Variants in MYBPC2 observed in about 807,000 individuals in gnomAD.
The protein encoded by MYBPC2 is myosin-binding protein C, fast-type.
MYBPC2 carries 122 observed loss-of-function variants against 137.0 expected under a neutral mutation model. The ratio of observed to expected loss-of-function variants is 0.89; its 90% confidence interval spans 0.77 to 1.03. The LOEUF (loss-of-function observed/expected upper bound fraction) is 1.03. Among genes scored for constraint, MYBPC2 ranks in the 50% least tolerant of loss-of-function variants. The pLI, the probability that MYBPC2 is intolerant of heterozygous loss-of-function variation, is 0.00. For missense variants in MYBPC2, 1,500 were observed against 1,534.4 expected, an observed-to-expected ratio of 0.98 and a Z score of 0.37; for synonymous variants, 626 against 612.3, an observed-to-expected ratio of 1.02 and a Z score of -0.33.
Position 50,459,128 on chromosome 19 carries a change from G to T in MYBPC2, c.2613G>T (p.Gln871His), listed in dbSNP as rs1188710241. ...CCCCGCAGGGAAAGCCCCGGCCCCA[G>T]GTGGTGTGGACCAAGGGCGGGGCCC... The part of the protein sequence containing the change: ...VVPFQGKPRP[Q>H]VVWTKGGAPL... The change falls in exon 23 of 28, where the codon CAG becomes CAT. Residue 871 changes from glutamine to histidine, a missense_variant. Gln to His is a conservative substitution (Grantham distance 24). Coordinates refer to ENST00000357701, the MANE Select transcript of MYBPC2 (RefSeq NM_004533.4). 2 of 1,546,338 alleles carry T rather than the reference G, an allele frequency of 1.3e-6. No homozygotes were observed. Among genetic ancestry groups the T allele is most frequent in the Middle Eastern group, 1.7e-4 (1 of 5,842 alleles).
chr19:50,446,986 TAA>T (rs529228553), intron 12 of MYBPC2, among the ~76,000 whole-genome samples: 30 of 129,968 alleles, frequency 2.3e-4, no homozygotes, highest in Non-Finnish European at 2.3e-4. Flanking sequence ...GACTCCGTCT[TAA>T]AAAAAAAAAA....
At chr19:50,448,883 C>A (rs112476711) in intron 13 of MYBPC2, among the ~76,000 whole-genome samples, 3 of 151,700 alleles carry the variant, frequency 2.0e-5, no homozygotes, top group East Asian at 1.9e-4. Flanking sequence ...TACAGGCATG[C>A]GCCACCATGC....
In MYBPC2 at chr19:50,445,937, C is replaced by T. The variant is rs1343630303; in HGVS notation, c.1191C>T (p.Phe397=). Reference sequence around the variant, plus strand: ...ATTCCTTCAAGGCCCGGTACCGCTTCAAGAAGGACGGGAAGCGCCACATCC... The same window carrying T: ...ATTCCTTCAAGGCCCGGTACCGCTTTAAGAAGGACGGGAAGCGCCACATCC... ...REDSFKARYR[F]KKDGKRHILI... The change falls in exon 12 of 28, where the codon TTC becomes TTT. Residue 397 remains phenylalanine, a synonymous_variant. Coordinates refer to ENST00000357701, the MANE Select transcript of MYBPC2 (RefSeq NM_004533.4). 1 of 1,611,680 alleles carries T rather than the reference C, an allele frequency of 6.2e-7. No homozygotes were observed. The highest frequency in any genetic ancestry group is 1.1e-5 in the South Asian group (1 of 90,412).
In MYBPC2 at chr19:50,455,525, C is replaced by A. The variant is rs2039901387; in HGVS notation, c.2219C>A (p.Pro740His). Reference protein sequence around the residue: ...PFMPIAPTSEPLHLIVEDVTD... With the variant: ...PFMPIAPTSEHLHLIVEDVTD... Reference sequence around the variant, plus strand: ...ATGCTTGCAGCACCCACGAGTGAACCCCTGCACCTGATAGTGGAGGATGTG... The same window carrying A: ...ATGCTTGCAGCACCCACGAGTGAACACCTGCACCTGATAGTGGAGGATGTG... Residue 740 changes from proline (P) to histidine (H), a missense_variant, in exon 20 of 28, where the codon CCC becomes CAC. Physicochemically the swap from Pro to His is moderately conservative, Grantham distance 77. Transcript: ENST00000357701. 4 of 1,613,746 alleles carry A rather than the reference C, an allele frequency of 2.5e-6. No homozygotes were observed. The highest frequency in any genetic ancestry group is 3.3e-5 in the Admixed American group (2 of 59,986).
intron 9 of MYBPC2, 39 bp from the exon 10 acceptor site, chr19:50,443,455 T>A: frequency 6.2e-7 from 1 of 1,602,780 alleles, no homozygotes; most frequent in Non-Finnish European, 8.5e-7. Flanking sequence ...GATAGGTGGA[T>A]GCTCCACGCC....
At position 50,443,577 on chromosome 19, in the gene MYBPC2, C is replaced by G. The variant is rs1380737700; in HGVS notation, c.986C>G (p.Ala329Gly). 1.9e-6 allele frequency: 3 copies of G among 1,613,132 alleles called. No homozygotes were observed. Among genetic ancestry groups the G allele is most frequent in the East Asian group, 2.2e-5 (1 of 44,876 alleles). The part of the protein sequence containing the change: ...TLADDAAYEV[A>G]VKDEKCFTEL... ...GCGGATGACGCTGCCTATGAAGTAG[C>G]TGTCAAGGATGAGAAGTGTTTCACC... Residue 329 changes from alanine to glycine, a missense_variant, in exon 10 of 28, where the codon GCT (alanine) becomes GGT (glycine). Transcript: ENST00000357701.
At position 50,436,092 on chromosome 19, in the gene MYBPC2, T is replaced by A; in HGVS notation, c.277T>A (p.Trp93Arg). The change falls in exon 4 of 28, where the codon TGG becomes AGG. Residue 93 changes from tryptophan to arginine, a missense_variant. Coordinates refer to ENST00000357701, the MANE Select transcript of MYBPC2 (RefSeq NM_004533.4). ...GACCATCAAGTGGTTCAAGGGGAAGTGGCTGGAGCTGGGCAGCAAGAGTGG... is the reference window on the plus strand; with the variant it reads ...GACCATCAAGTGGTTCAAGGGGAAGAGGCTGGAGCTGGGCAGCAAGAGTGG... ...KPTIKWFKGK[W>R]LELGSKSGAR... 6.3e-7 allele frequency: 1 copy of A among 1,582,040 alleles called. No individual in the cohort carries two copies.
intron 26 of MYBPC2, among the ~76,000 whole-genome samples, chr19:50,463,946 A>G (rs2039992013): frequency 6.6e-6 from 1 of 152,036 alleles, no homozygotes; most frequent in African/African-American, 2.4e-5. Context: ...CTCAAAAAAA[A>G]AAAAAAAAGG....
At chr19:50,443,408 A>G in intron 9 of MYBPC2, 86 bp from the exon 10 acceptor site, 1 of 1,502,688 alleles carries the variant, frequency 6.7e-7, no homozygotes, top group Non-Finnish European at 9.0e-7. Flanking sequence ...AGAGAGAGAG[A>G]CTTGCCTTGA....
intron 13 of MYBPC2, among the ~76,000 whole-genome samples, chr19:50,449,061 G>A (rs1480970696): frequency 6.6e-6 from 1 of 152,108 alleles, no homozygotes; most frequent in African/African-American, 2.4e-5. Context: ...AAAAGGATGA[G>A]GATTGGGCTC....
intron 7 of MYBPC2, among the ~76,000 whole-genome samples, chr19:50,440,345 AAT>A: frequency 6.6e-6 from 1 of 151,326 alleles, no homozygotes; most frequent in East Asian, 1.9e-4. Flanking sequence ...TAAATAAATA[AAT>A]AAATAAATAA....
Position 50,443,724 on chromosome 19 carries a change from A to G in MYBPC2, c.1041A>G (p.Leu347=). The part of the protein sequence containing the change: ...TELFVKEPPV[L]IVTPLEDQQV... ...CCTGCCCCACAGAACCTCCAGTCCTAATTGTCACACCTCTTGAGGACCAGC... is the reference window on the plus strand; with the variant it reads ...CCTGCCCCACAGAACCTCCAGTCCTGATTGTCACACCTCTTGAGGACCAGC... Residue 347 remains leucine, a synonymous_variant, in exon 11 of 28, where the codon CTA becomes CTG. Coordinates refer to ENST00000357701, the MANE Select transcript of MYBPC2 (RefSeq NM_004533.4). 6.2e-7 allele frequency: 1 copy of G among 1,613,852 alleles called. No homozygotes were observed. The highest frequency in any genetic ancestry group is 2.2e-5 in the East Asian group (1 of 44,878).
intron 26 of MYBPC2, 109 bp from the exon 27 acceptor site, chr19:50,464,237 C>G: frequency 1.0e-6 from 1 of 977,202 alleles, no homozygotes; most frequent in Non-Finnish European, 1.5e-6. Context: ...GAACATCTGG[C>G]AAGAGGGTGG....
intron 5 of MYBPC2, 40 bp from the exon 6 acceptor site, chr19:50,437,433 C>A (rs1436980169): frequency 6.3e-7 from 1 of 1,589,902 alleles, no homozygotes; most frequent in Admixed American, 1.7e-5. Flanking sequence ...TCAGCCCTGG[C>A]CTCTAACTCA....
At chr19:50,460,230 A>T in intron 24 of MYBPC2, 51 bp downstream of exon 24, 1 of 1,549,472 alleles carries the variant, frequency 6.5e-7, no homozygotes, top group Non-Finnish European at 8.7e-7. Flanking sequence ...TGGGCAGAGC[A>T]GGTGCAGATG....
intron 14 of MYBPC2, 148 bp downstream of exon 14, chr19:50,451,083 A>T (rs2039852680): frequency 2.0e-6 from 2 of 1,017,856 alleles, no homozygotes; most frequent in Non-Finnish European, 2.9e-6. Flanking sequence ...CTGGAGTCAG[A>T]AGATGGAGGG....
chr19:50,456,394 A>G (rs1197245561), intron 20 of MYBPC2, among the ~76,000 whole-genome samples: 1 of 144,728 alleles, frequency 6.9e-6, no homozygotes, highest in Non-Finnish European at 1.5e-5. Context: ...CCATCCATCC[A>G]TCCATCCATC....
At position 50,440,906 on chromosome 19, in the gene MYBPC2, A is replaced by C; in HGVS notation, c.599A>C (p.Lys200Thr). 8 of 1,613,434 alleles carry C rather than the reference A, an allele frequency of 5.0e-6. No individual in the cohort carries two copies. The highest frequency in any genetic ancestry group is 6.8e-6 in the Non-Finnish European group (8 of 1,179,624). ...GAGGTGGTGGAGGAGGAGAAGAAGA[A>C]GAAAAAGAAAGATGACGATGACCTA... ...KREVVEEEKK[K>T]KKKDDDDLGI... Residue 200 changes from lysine to threonine, a missense_variant, in exon 8 of 28, where the codon AAG becomes ACG. By Grantham distance (78) the Lys-to-Thr change is moderately conservative. Transcript: ENST00000357701.
Position 50,459,106 on chromosome 19 carries a change from C to T in MYBPC2, c.2596-5C>T, listed in dbSNP as rs1332188249. The T allele has an allele frequency of 1.9e-6, 3 of 1,556,802 alleles. No individual in the cohort carries two copies. The highest frequency in any genetic ancestry group is 1.7e-4 in the Middle Eastern group (1 of 5,762). ...ACCCCACCCCGCCCCGCCCTCTCCC[C>T]GCAGGGAAAGCCCCGGCCCCAGGTG... On this transcript the variant is annotated splice_polypyrimidine_tract_variant and splice_region_variant and intron_variant, in intron 22 of 27. Coordinates refer to ENST00000357701, the MANE Select transcript of MYBPC2 (RefSeq NM_004533.4).
Sources: gnomAD v4.1 joint callset for allele counts (sites outside exome capture counted in the v4.1 genomes callset) on GRCh38, gnomAD v4.1.1 for gene constraint, MANE v1.5 for transcripts, NCBI Gene and HGNC (gene_info 2026-07-23, HGNC 2026-07-21) for gene names.